The following JAG2 variants were observed in gnomAD, a reference collection of about 807,000 sequenced individuals.
JAG2 encodes the protein protein jagged-2.
A neutral mutation model predicts 141.7 loss-of-function variants in JAG2; 46 were observed. The ratio of observed to expected loss-of-function variants is 0.32; its 90% CI spans 0.26 to 0.42. The LOEUF is 0.42. Ranked by LOEUF, JAG2 falls within the 10% of genes least tolerant of loss-of-function variation. The pLI, the probability that JAG2 is intolerant of heterozygous loss-of-function variation, is 1.00. For synonymous variants in JAG2, 862 were observed against 763.5 expected (o/e 1.13, Z -2.13); for missense variants, 1,500 against 1,817.5 (o/e 0.83, Z 3.18).
chr14:105,150,120 G>A (rs587741852), intron 12 of JAG2, among the ~76,000 whole-genome samples: 2 of 140,324 alleles, frequency 1.4e-5, no homozygotes, highest in East Asian at 2.2e-4. Flanking sequence ...TTGGAGGCAG[G>A]GGGGAAGGGG....
In JAG2 at chr14:105,152,260, C is replaced by T. The variant is rs143376032; in HGVS notation, c.820G>A (p.Asp274Asn). 1.9e-5 allele frequency: 30 copies of T among 1,613,274 alleles called. No individual in the cohort carries two copies. Among genetic ancestry groups the T allele is most frequent in the African/African-American group, 6.7e-5 (5 of 75,058 alleles). Residue 274 changes from aspartate to asparagine, a missense_variant, in exon 6 of 26, where the codon GAT (aspartate) becomes AAT (asparagine). Transcript: ENST00000331782. ...CSYGWQGRFC[D>N]ECVPYPGCVH... ...CAGCCGGGGTAGGGGACACACTCAT[C>T]GCAGAACCTCCCTTGCCAGCCGTAG...
intron 17 of JAG2, 53 bp downstream of exon 17, chr14:105,148,063 G>A (rs1888285298): frequency 2.1e-6 from 3 of 1,432,218 alleles, no homozygotes; most frequent in Non-Finnish European, 2.9e-6. Flanking sequence ...CGAGGGAGCG[G>A]TGCCTGGGAG....
Position 105,146,489 on chromosome 14 carries a change from C to T in JAG2, c.2605G>A (p.Gly869Arg), listed in dbSNP as rs138786039. The T allele has an allele frequency of 1.7e-5, 27 of 1,612,584 alleles. 1 individual carries two copies. The highest frequency in any genetic ancestry group is 6.6e-5 in the South Asian group (6 of 91,088). Residue 869 changes from glycine to arginine, a missense_variant, in exon 22 of 26, where the codon GGG becomes AGG. Physicochemically the swap from Gly to Arg is moderately radical, Grantham distance 125. Coordinates refer to ENST00000331782, the MANE Select transcript of JAG2 (RefSeq NM_002226.5). Reference protein sequence around the residue: ...GPRCQEVIGFGRSCWSRGTPF... With the variant: ...GPRCQEVIGFRRSCWSRGTPF... ...GTGCCCCGGGACCAGCAGGATCTCC[C>T]GAACCCGATCACTGTGGGGAGAAGG... is the stretch of plus-strand genomic sequence containing the variant.
chr14:105,147,697 G>T lies in JAG2; in HGVS notation c.2365+75C>A, dbSNP rs587738310. On this transcript the variant is annotated intron_variant, in intron 18 of 25. Transcript: ENST00000331782. ...GGGGGAGGGGCTGGCAGAAGGGACT[G>T]GGGGGCGAGTCGGGGGCAGGGATGT... 1,215 of 1,173,568 alleles carry T rather than the reference G, an allele frequency of 1.0e-3. 5 individuals carry two copies. Among genetic ancestry groups the T allele is most frequent in the Middle Eastern group, 3.9e-3 (14 of 3,636 alleles). The allele number at this position is 1,173,568 out of a possible 1,614,324, so 72.7% of individuals were successfully genotyped here.
chr14:105,163,013 G>C (rs1888803139), intron 2 of JAG2, among the ~76,000 whole-genome samples: 1 of 151,508 alleles, frequency 6.6e-6, no homozygotes, highest in African/African-American at 2.4e-5. Flanking sequence ...CCCGCTAACG[G>C]CCCCCCCAGG....
rs146384529 is a variant in JAG2 at position 105,146,623 on chromosome 14, G to C, written c.2581C>G (p.Arg861Gly). 86 of 1,610,892 alleles carry C rather than the reference G, an allele frequency of 5.3e-5. No individual in the cohort carries two copies. The highest frequency in any genetic ancestry group is 6.4e-5 in the Non-Finnish European group (76 of 1,178,484). The change falls in exon 21 of 26, where the codon CGG (arginine) becomes GGG (glycine). Residue 861 changes from arginine (R) to glycine (G), a missense_variant. Physicochemically the swap from Arg to Gly is moderately radical, Grantham distance 125 (BLOSUM62 -2). Transcript: ENST00000331782. Reference protein sequence around the residue: ...CSCPPGRAGPRCQEVIGFGRS... With the variant: ...CSCPPGRAGPGCQEVIGFGRS... ...ACACGGGGCCTACCTTCCTGGCACC[G>C]GGGGCCGGCTCGGCCGGGTGGGCAG...
chr14:105,145,666 C>T (rs952785316), intron 23 of JAG2, 65 bp downstream of exon 23: 11 of 1,542,188 alleles, frequency 7.1e-6, no homozygotes, highest in Middle Eastern at 1.7e-4. Flanking sequence ...GCTAGGCTTT[C>T]GCCATGCCAC....
chr14:105,151,761 G>A (rs749482159), intron 7 of JAG2, 22 bp from the exon 8 acceptor site: 16 of 1,600,862 alleles, frequency 1.0e-5, no homozygotes, highest in South Asian at 2.2e-5. Flanking sequence ...CGGGGAGGGG[G>A]CAGAGCTGGC....
chr14:105,146,301 A>T (rs1888220826), intron 22 of JAG2, 84 bp downstream of exon 22: 2 of 1,227,400 alleles, frequency 1.6e-6, no homozygotes, highest in Non-Finnish European at 2.4e-6. Flanking sequence ...GGACCCCAGC[A>T]CCCGCCTCCT....
intron 20 of JAG2, 90 bp downstream of exon 20, chr14:105,147,236 T>C: frequency 9.8e-6 from 10 of 1,017,682 alleles, no homozygotes; most frequent in Admixed American, 2.0e-5. Context: ...CACACTGCCC[T>C]TCAAGGGACG....
chr14:105,162,973 C>T (rs917725643), intron 2 of JAG2, among the ~76,000 whole-genome samples: 8 of 152,020 alleles, frequency 5.3e-5, no homozygotes, highest in Non-Finnish European at 8.8e-5. Context: ...GGGCCCTGCA[C>T]GGTCAAGGCC....
At chr14:105,144,524 C>T (rs587607361) in intron 24 of JAG2, among the ~76,000 whole-genome samples, 2 of 152,314 alleles carry the variant, frequency 1.3e-5, no homozygotes, top group African/African-American at 4.8e-5. Flanking sequence ...CCACCCCAGT[C>T]TCACCCGACC....
chr14:105,167,214 A>T lies in JAG2; in HGVS notation c.417+543T>A, dbSNP rs1888941013. On this transcript the variant is annotated intron_variant, in intron 2 of 25. Coordinates refer to ENST00000331782, the MANE Select transcript of JAG2 (RefSeq NM_002226.5). This position sits in a 1 kb window ranked among gnomAD's most constrained non-coding sequence, Gnocchi z 4.8. ...CAGGATCCACTATCTCTGTCTCTGA[A>T]CGATCTTGGGTCACCATCGGGGGCT... 6.6e-6 allele frequency among the ~76,000 whole-genome samples: 1 copy of T among 152,168 alleles called. No individual in the cohort carries two copies. Among genetic ancestry groups the T allele is most frequent in the South Asian group, 2.1e-4 (1 of 4,832 alleles).
At chr14:105,158,194 G>T (rs587724779) in intron 2 of JAG2, among the ~76,000 whole-genome samples, 235 of 152,256 alleles carry the variant, frequency 1.5e-3, no homozygotes, top group Non-Finnish European at 1.4e-3. Context: ...CTCACTGGGG[G>T]TGACCACGGG....
At chr14:105,149,818 G>A (rs1473819583) in intron 12 of JAG2, among the ~76,000 whole-genome samples, 7 of 128,768 alleles carry the variant, frequency 5.4e-5, no homozygotes, top group Non-Finnish European at 9.8e-5. Flanking sequence ...GGTGGGGGGA[G>A]GCAGGGAAAA....
Position 105,142,793 on chromosome 14 carries a change from G to A in JAG2, c.3619C>T (p.Arg1207Cys), listed in dbSNP as rs150102743. Residue 1207 changes from arginine to cysteine, a missense_variant, in exon 26 of 26, where the codon CGC becomes TGC. Coordinates refer to ENST00000331782, the MANE Select transcript of JAG2 (RefSeq NM_002226.5). ...CAGTGGGCCGGCCTCCCCGGCGAGC[G>A]GCCAGGATCTTTGGTGAATTTGTGT... Reference protein sequence around the residue: ...LSHKFTKDPGRSPGRPAHWAS... With the variant: ...LSHKFTKDPGCSPGRPAHWAS... 3.0e-5 allele frequency: 48 copies of A among 1,610,730 alleles called. No homozygotes were observed. Among genetic ancestry groups the A allele is most frequent in the African/African-American group, 4.0e-5 (3 of 74,876 alleles).
Position 105,157,746 on chromosome 14 carries a change from G to A in JAG2, c.435C>T (p.Ile145=), listed in dbSNP as rs373741220. The change falls in exon 3 of 26, where the codon ATC becomes ATT. Residue 145 remains isoleucine, a synonymous_variant. Transcript: ENST00000331782. Reference sequence around the variant, plus strand: ...CGTTGTCCCAGTCCCAGGCCTCCACGATGAGGGTAAAGGAGCGCTGCAGAC... The same window carrying A: ...CGTTGTCCCAGTCCCAGGCCTCCACAATGAGGGTAAAGGAGCGCTGCAGAC... ...QFAWPRSFTL[I]VEAWDWDNDT... is the part of the protein sequence containing the mutation. 4.4e-5 allele frequency: 69 copies of A among 1,577,496 alleles called. 3 individuals carry two copies. The South Asian group carries it at 4.8e-4, about 11-fold the overall frequency.
At chr14:105,149,977 A>G (rs1230921000) in intron 12 of JAG2, among the ~76,000 whole-genome samples, 1 of 4,514 alleles carries the variant, frequency 2.2e-4, no homozygotes, top group African/African-American at 1.1e-3. Context: ...GGGTGGGGGG[A>G]GGCAGGGTTG....
Position 105,141,236 on chromosome 14 carries a change from TC to T in JAG2, c.*1458del, listed in dbSNP as rs1422276885. 6.6e-6 allele frequency: 1 copy of T among 152,152 alleles called. No homozygotes were observed. The highest frequency in any genetic ancestry group is 6.5e-5 in the Admixed American group (1 of 15,276). 9.4% of individuals were successfully genotyped at this position (152,152 alleles called of 1,614,324 possible). On this transcript the variant is annotated 3_prime_UTR_variant, in exon 26 of 26. Coordinates refer to ENST00000331782, the MANE Select transcript of JAG2 (RefSeq NM_002226.5). ...CAGCCCTGAGGCCACCATGCCACGT[TC>T]CAGTTGGCTCAAGCAGTGAGGGGCA... is the stretch of plus-strand genomic sequence containing the variant.
Sources: gnomAD v4.1 joint callset for allele counts (sites outside exome capture counted in the v4.1 genomes callset) on GRCh38, gnomAD v4.1.1 for gene constraint, Gnocchi (gnomAD v3.1) non-coding constraint, MANE v1.5 for transcripts, NCBI Gene and HGNC (gene_info 2026-07-23, HGNC 2026-07-21) for gene names.